The following EGF variants were observed in gnomAD, a reference collection of about 807,000 sequenced individuals.
The protein encoded by EGF is epidermal growth factor.
EGF carries 95 observed loss-of-function variants against 143.8 expected under a neutral mutation model. The observed-to-expected ratio is 0.66, with a 90% CI of 0.56 to 0.78. EGF has a LOEUF of 0.78. Ranked by LOEUF, EGF falls within the 30% of genes least tolerant of loss-of-function variation. The pLI, the probability that EGF is intolerant of heterozygous loss-of-function variation, is 0.00. For synonymous variants in EGF, 510 were observed against 510.5 expected (o/e 1.00, Z 0.01); for missense variants, 1,320 against 1,470.9 (o/e 0.90, Z 1.68).
chr4:109,958,629 C>T (rs1560690115), intron 5 of EGF, among the ~76,000 whole-genome samples: 1 of 152,088 alleles, frequency 6.6e-6, no homozygotes, highest in Non-Finnish European at 1.5e-5. Flanking sequence ...ATAAATATTA[C>T]ACTTAAAAAG....
In EGF at chr4:109,927,701, G is replaced by A. The variant is rs1738943403; in HGVS notation, c.128-13245G>A. ...ATTGTGCCACTGCACTCCAGCCTGG[G>A]CGACAGAGAGAGACACCGTCTCAAA... On this transcript the variant is annotated intron_variant, in intron 1 of 23. Transcript: ENST00000265171. Among the ~76,000 whole-genome samples, 3 of 147,850 alleles carry A rather than the reference G, an allele frequency of 2.0e-5. 1 individual carries two copies. The highest frequency in any genetic ancestry group is 4.3e-4 in the South Asian group (2 of 4,600).
chr4:109,982,659 A>G (rs955148820), intron 15 of EGF, among the ~76,000 whole-genome samples: 1 of 151,600 alleles, frequency 6.6e-6, no homozygotes, highest in Non-Finnish European at 1.5e-5. Context: ...CTTTTTTAAT[A>G]TGAGTGTGTG....
intron 1 of EGF, among the ~76,000 whole-genome samples, chr4:109,939,362 C>G (rs1365990267): frequency 6.6e-6 from 1 of 152,236 alleles, no homozygotes; most frequent in Non-Finnish European, 1.5e-5. Flanking sequence ...GGGGAGGGAA[C>G]ATCCGGGCCT....
At chr4:110,000,024 G>A (rs1030231082) in intron 21 of EGF, among the ~76,000 whole-genome samples, 178 bp downstream of exon 21, 10 of 152,144 alleles carry the variant, frequency 6.6e-5, no homozygotes, top group Non-Finnish European at 1.5e-4. Context: ...GGCCGAGGCA[G>A]GCAGATCACT....
At chr4:109,914,483 C>G (rs539375071) in intron 1 of EGF, among the ~76,000 whole-genome samples, 1 of 152,270 alleles carries the variant, frequency 6.6e-6, no homozygotes, top group Non-Finnish European at 1.5e-5. Context: ...TCCTGGCTCT[C>G]CCATTAAGGA....
chr4:109,993,438 T>G, intron 19 of EGF, 69 bp downstream of exon 19: 1 of 1,594,706 alleles, frequency 6.3e-7, no homozygotes, highest in Non-Finnish European at 8.6e-7. Context: ...CCCTAATCTC[T>G]ATTTGCATTA....
intron 13 of EGF, 32 bp from the exon 14 acceptor site, chr4:109,979,940 A>C: frequency 6.2e-7 from 1 of 1,612,874 alleles, no homozygotes; most frequent in Non-Finnish European, 8.5e-7. Context: ...AAGACAAAGA[A>C]GGTGTATTTA....
chr4:109,929,129 G>A (rs957214724), intron 1 of EGF, among the ~76,000 whole-genome samples: 3 of 152,126 alleles, frequency 2.0e-5, no homozygotes, highest in African/African-American at 7.2e-5. Context: ...GTTTCCTGGT[G>A]TGGGTTCCTT....
At chr4:109,919,287 GTCTCTCTCTCTCTCTCTCTCTCTCTCTC>G (rs58110007) in intron 1 of EGF, among the ~76,000 whole-genome samples, 3 of 75,840 alleles carry the variant, frequency 4.0e-5, no homozygotes, top group East Asian at 3.4e-4. Context: ...ATGCTTCTCT[GTCTCTCTCTCTCTCTCTCTCTCTCTCTC>G]TCTCTCTCTC....
Position 109,972,681 on chromosome 4 carries a change from G to T in EGF, c.1725-2022G>T, listed in dbSNP as rs142264666. On this transcript the variant is annotated intron_variant, in intron 11 of 23. Coordinates refer to ENST00000265171, the MANE Select transcript of EGF (RefSeq NM_001963.6). Reference sequence around the variant, plus strand: ...TTAAAGTGGCACTGGAGTAGAAATGGTTTCAAATTCTCCACTGCCTTTAGT... The same window carrying T: ...TTAAAGTGGCACTGGAGTAGAAATGTTTTCAAATTCTCCACTGCCTTTAGT... Among the ~76,000 whole-genome samples the T allele has an allele frequency of 6.0e-4, 92 of 152,286 alleles. 1 individual carries two copies. In the East Asian group the frequency reaches 0.015, roughly 25 times the overall value.
At chr4:109,980,390 T>C (rs998411249) in intron 14 of EGF, among the ~76,000 whole-genome samples, 1 of 152,192 alleles carries the variant, frequency 6.6e-6, no homozygotes, top group Non-Finnish European at 1.5e-5. Context: ...TCGAAGAGCC[T>C]TGGGTTAAGG....
At chr4:109,938,387 C>T (rs1016004706) in intron 1 of EGF, among the ~76,000 whole-genome samples, 17 of 152,210 alleles carry the variant, frequency 1.1e-4, no homozygotes, top group Non-Finnish European at 2.4e-4. Context: ...CTCTTCTCTA[C>T]ACTGTTGATT....
In EGF at chr4:109,976,084, G is replaced by C. The variant is rs1295562243; in HGVS notation, c.1902G>C (p.Leu634=). ...ESSSLQGLGR[L]VIASSDLIWP... Reference sequence around the variant, plus strand: ...CTTCCCTCCAAGGCCTTGGCCGTCTGGTTATAGCCAGCTCTGATCTAATCT... The same window carrying C: ...CTTCCCTCCAAGGCCTTGGCCGTCTCGTTATAGCCAGCTCTGATCTAATCT... The change falls in exon 13 of 24, where the codon CTG becomes CTC. Residue 634 remains leucine (L), a synonymous_variant. Coordinates refer to ENST00000265171, the MANE Select transcript of EGF (RefSeq NM_001963.6). The C allele has an allele frequency of 1.2e-6, 2 of 1,614,068 alleles. No individual in the cohort carries two copies. The highest frequency in any genetic ancestry group is 1.1e-5 in the South Asian group (1 of 91,074).
Position 109,993,344 on chromosome 4 carries a change from G to A in EGF, c.2832G>A (p.Leu944=). 1 of 1,613,658 alleles carries A rather than the reference G, an allele frequency of 6.2e-7. No homozygotes were observed. Among genetic ancestry groups the A allele is most frequent in the South Asian group, 1.1e-5 (1 of 91,060 alleles). ...ATACCTGCATGTGTGCTGGACGCCT[G>A]TCTGAACCAGGACTGATTTGCCCTG... ...GGYTCMCAGR[L]SEPGLICPDS... The change falls in exon 19 of 24, where the codon CTG becomes CTA. Residue 944 remains leucine (L), a synonymous_variant. Coordinates refer to ENST00000265171, the MANE Select transcript of EGF (RefSeq NM_001963.6).
intron 10 of EGF, among the ~76,000 whole-genome samples, chr4:109,967,989 G>A (rs1746885558): frequency 6.6e-6 from 1 of 152,310 alleles, no homozygotes; most frequent in East Asian, 1.9e-4. Context: ...GGATGAGTCA[G>A]TAAGTGAGTG....
At chr4:109,919,506 C>G (rs1016095294) in intron 1 of EGF, among the ~76,000 whole-genome samples, 2 of 152,124 alleles carry the variant, frequency 1.3e-5, no homozygotes, top group Non-Finnish European at 2.9e-5. Context: ...TGAAAAGAGA[C>G]TTTAACAGGT....
intron 8 of EGF, 110 bp from the exon 9 acceptor site, chr4:109,963,063 T>TC: frequency 9.1e-7 from 1 of 1,099,246 alleles, no homozygotes. Flanking sequence ...AAACTCCATC[T>TC]CAAAAAAAAA....
intron 11 of EGF, 112 bp downstream of exon 11, chr4:109,969,231 T>C (rs1747177237): frequency 1.4e-6 from 2 of 1,467,528 alleles, no homozygotes; most frequent in South Asian, 2.3e-5. Context: ...GGGCATTTGG[T>C]TGGGATTGGA....
In EGF at chr4:109,964,688, C is replaced by T; in HGVS notation, c.1575+151C>T. On this transcript the variant is annotated intron_variant, in intron 10 of 23. Transcript: ENST00000265171. ...AAGTTAAATATAGATATTGGAGTAA[C>T]ACTTGAGAAATTTTAAGGACTTTTT... is the stretch of plus-strand genomic sequence containing the variant. 5 of 1,196,560 alleles carry T rather than the reference C, an allele frequency of 4.2e-6. No homozygotes were observed. The South Asian group carries it at 4.5e-5, about 11-fold the overall frequency. The allele number at this position is 1,196,560 out of a possible 1,614,324, so 74.1% of individuals were successfully genotyped here.
Sources: gnomAD v4.1 joint callset for allele counts (sites outside exome capture counted in the v4.1 genomes callset) on GRCh38, gnomAD v4.1.1 for gene constraint, MANE v1.5 for transcripts, NCBI Gene and HGNC (gene_info 2026-07-23, HGNC 2026-07-21) for gene names.